DYSF: variants seen among roughly 807,000 people sequenced by gnomAD.
DYSF encodes the protein dysferlin.
Under a neutral mutation model 274.9 loss-of-function variants are expected in DYSF, and 212 were observed. The observed-to-expected ratio is 0.77, with a 90% CI of 0.69 to 0.86. DYSF has a LOEUF of 0.86. Ranked by LOEUF, DYSF falls within the 40% of genes least tolerant of loss-of-function variation. The probability of loss-of-function intolerance (pLI) is 0.00; values close to 1 mark genes in which losing one functional copy is unlikely to be tolerated. For synonymous variants in DYSF, 1,091 were observed against 1,078.7 expected (o/e 1.01, Z -0.22); for missense variants, 2,666 against 2,783.2 (o/e 0.96, Z 0.95).
intron 36 of DYSF, among the ~76,000 whole-genome samples, chr2:71,610,304 C>G (rs544864716): frequency 1.6e-3 from 238 of 152,288 alleles, no homozygotes; most frequent in Non-Finnish European, 3.0e-3. Flanking sequence ...TATTAACTTC[C>G]TCAACCCTCA....
chr2:71,589,507 C>T (rs1574201453), intron 30 of DYSF, 86 bp from the exon 31 acceptor site: 1 of 1,054,960 alleles, frequency 9.5e-7, no homozygotes. Context: ...ATCTCCTGGC[C>T]CTGGGGATCT....
chr2:71,503,534 T>A (rs1398578828), intron 4 of DYSF, among the ~76,000 whole-genome samples: 1 of 152,118 alleles, frequency 6.6e-6, no homozygotes, highest in Non-Finnish European at 1.5e-5. Context: ...CCTGCAGGGC[T>A]CAAGTCAGCC....
At chr2:71,529,185 A>T (rs1038292689) in intron 14 of DYSF, among the ~76,000 whole-genome samples, 4 of 152,188 alleles carry the variant, frequency 2.6e-5, no homozygotes, top group African/African-American at 9.7e-5. Flanking sequence ...AAGGCAGAAA[A>T]TGTGGACCTG....
intron 3 of DYSF, among the ~76,000 whole-genome samples, chr2:71,491,790 C>T (rs112530010): frequency 0.037 from 5,577 of 152,282 alleles, 245 homozygotes; most frequent in African/African-American, 0.1. Context: ...ATATGTATCA[C>T]GTTTTCTTTA....
chr2:71,508,235 C>T (rs1212256586), intron 4 of DYSF, among the ~76,000 whole-genome samples: 16 of 152,160 alleles, frequency 1.1e-4, no homozygotes, highest in Admixed American at 1.0e-3. Flanking sequence ...GGGTGCCAAC[C>T]TCCTGGCCCA....
At chr2:71,677,130 G>C (rs1171114856) in intron 52 of DYSF, among the ~76,000 whole-genome samples, 1 of 152,176 alleles carries the variant, frequency 6.6e-6, no homozygotes, top group Non-Finnish European at 1.5e-5. Context: ...TTAATGGATA[G>C]ATATAGTGCT....
chr2:71,628,836 C>T (rs1175302048), intron 41 of DYSF, among the ~76,000 whole-genome samples: 1 of 151,904 alleles, frequency 6.6e-6, no homozygotes, highest in South Asian at 2.1e-4. Context: ...CCTGTAGTCC[C>T]AGCTACTCAA....
chr2:71,685,947 C>T (rs796771187), intron 55 of DYSF, among the ~76,000 whole-genome samples: 16 of 152,282 alleles, frequency 1.1e-4, no homozygotes, highest in African/African-American at 3.6e-4. Context: ...CGTGGGTCAT[C>T]CACGACAGCC....
chr2:71,667,326 T>C (rs374296803), intron 47 of DYSF, 50 bp from the exon 48 acceptor site: 21 of 1,613,024 alleles, frequency 1.3e-5, no homozygotes, highest in African/African-American at 2.7e-5. Flanking sequence ...AGCCCCATTA[T>C]CTCTCGCTTC....
At chr2:71,486,743 A>G (rs1418276185) in intron 3 of DYSF, among the ~76,000 whole-genome samples, 1 of 152,188 alleles carries the variant, frequency 6.6e-6, no homozygotes, top group Admixed American at 6.5e-5. Context: ...TTATCTGGCT[A>G]AAATCAGGTT....
intron 3 of DYSF, among the ~76,000 whole-genome samples, chr2:71,487,363 A>C (rs1228023027): frequency 6.6e-6 from 1 of 152,082 alleles, no homozygotes; most frequent in Non-Finnish European, 1.5e-5. Context: ...AAAAAAAATA[A>C]GTGTCTGAGC....
rs374682091 is a variant in DYSF, at chr2:71,515,653, C to T, written c.790C>T (p.Leu264=). 3.1e-6 allele frequency: 5 copies of T among 1,614,048 alleles called. No homozygotes were observed. In the African/African-American group the frequency reaches 6.7e-5, roughly 22 times the overall value. The change falls in exon 8 of 56, where the codon CTG becomes TTG. Residue 264 remains leucine (L), a synonymous_variant. Transcript: ENST00000410020. ...IRVQVIEGRQ[L]PGVNIKPVVK... ...GGTCCAGGTGATCGAGGGGCGCCAG[C>T]TGCCGGGGGTGAACATCAAGCCTGT...
At chr2:71,553,668 G>A in intron 20 of DYSF, 139 bp from the exon 21 acceptor site, 1 of 1,092,406 alleles carries the variant, frequency 9.2e-7, no homozygotes, top group Non-Finnish European at 1.3e-6. Flanking sequence ...GCAGGTGCCT[G>A]TCTCTGTCCC....
At chr2:71,463,937 G>A (rs768295316), upstream of DYSF, among the ~76,000 whole-genome samples, 17 of 152,174 alleles carry the variant, frequency 1.1e-4, no homozygotes, top group Non-Finnish European at 1.6e-4. Flanking sequence ...TCAAATGTCC[G>A]CCTCATCTTG....
intron 11 of DYSF, 30 bp downstream of exon 11, chr2:71,520,238 T>C (rs1310577818): frequency 6.2e-7 from 1 of 1,613,716 alleles, no homozygotes; most frequent in East Asian, 2.2e-5. Context: ...GCCGTATCCT[T>C]GCATTTTGGT....
chr2:71,665,226 C>T lies in DYSF; in HGVS notation c.5239C>T (p.Gln1747Ter), dbSNP rs1342179740. 6.2e-7 allele frequency: 1 copy of T among 1,613,998 alleles called. No homozygotes were observed. The highest frequency in any genetic ancestry group is 8.5e-7 in the Non-Finnish European group (1 of 1,180,046). ...CCAGCTCCTCCACCTCTTCTGCCAG[C>T]AGCATAGAGTCAAGGCACCTGTGTA... Reference protein sequence around the residue: ...PSQLLHLFCQQHRVKAPVYRT... With the variant: ...PSQLLHLFCQ The change falls in exon 47 of 56, where the codon CAG becomes TAG. Residue 1747 changes from glutamine to a stop codon, truncating the protein, a stop_gained. Transcript: ENST00000410020. LOFTEE classifies it high-confidence loss of function.
intron 17 of DYSF, among the ~76,000 whole-genome samples, chr2:71,540,546 A>T (rs930903368): frequency 6.6e-6 from 1 of 152,144 alleles, no homozygotes; most frequent in African/African-American, 2.4e-5. Flanking sequence ...TAATAATATT[A>T]AAAAAGAACT....
At chr2:71,613,928 G>C (rs914059760) in intron 40 of DYSF, among the ~76,000 whole-genome samples, 1 of 152,134 alleles carries the variant, frequency 6.6e-6, no homozygotes, top group African/African-American at 2.4e-5. Context: ...CATCTGCAGG[G>C]AAAAGGAGGA....
At chr2:71,578,534 C>A (rs1034382304) in intron 30 of DYSF, among the ~76,000 whole-genome samples, 1 of 152,122 alleles carries the variant, frequency 6.6e-6, no homozygotes, top group Non-Finnish European at 1.5e-5. Context: ...CTAGAATCTG[C>A]GTCTTTGAAG....
Sources: allele counts gnomAD v4.1 joint callset (sites outside exome capture counted in the v4.1 genomes callset), GRCh38; gene constraint gnomAD v4.1.1; transcripts MANE v1.5; gene names NCBI Gene and HGNC (gene_info 2026-07-23, HGNC 2026-07-21).